The following SCRN1 variants were observed in gnomAD, a reference collection of about 807,000 sequenced individuals.
SCRN1 encodes secernin-1.
In SCRN1, 19 loss-of-function variants were observed where a neutral mutation model predicts 43.3. The ratio of observed to expected loss-of-function variants is 0.44; its 90% CI spans 0.31 to 0.64. SCRN1 has a LOEUF of 0.64. Among genes scored for constraint, SCRN1 ranks in the 30% least tolerant of loss-of-function variants. The pLI, the probability that SCRN1 is intolerant of heterozygous loss-of-function variation, is 0.09. For synonymous variants in SCRN1, 183 were observed against 188.9 expected (o/e 0.97, Z 0.26); for missense variants, 447 against 524.1 (o/e 0.85, Z 1.44).
At chr7:29,990,165 A>G (rs140520873), upstream of SCRN1, 2 of 1,551,418 alleles carry the variant, frequency 1.3e-6, no homozygotes, top group African/African-American at 1.4e-5. Context: ...TTCCCCGGAG[A>G]GAAATGTGTC....
chr7:29,920,332 A>T lies in SCRN1; in HGVS notation c.*3625T>A, dbSNP rs1786712275. The T allele has an allele frequency of 6.6e-6, 1 of 152,226 alleles. No homozygotes were observed. Among genetic ancestry groups the T allele is most frequent in the African/African-American group, 2.4e-5 (1 of 41,420 alleles). 9.4% of individuals were successfully genotyped at this position (152,226 alleles called of 1,614,324 possible). A position where few individuals can be genotyped will look rare whatever the true frequency, so the allele number is the denominator to read the frequency against. On this transcript the variant is annotated 3_prime_UTR_variant, in exon 8 of 8. Transcript: ENST00000242059. ...AACACATTTAAATTCTCACAGCATA[A>T]TTGCAAACATGTACATATTGGTTCC...
In SCRN1 at chr7:29,920,520, A is replaced by T. The variant is rs1562796264; in HGVS notation, c.*3437T>A. The T allele has an allele frequency of 6.6e-6, 1 of 152,316 alleles. No individual in the cohort carries two copies. Among genetic ancestry groups the T allele is most frequent in the Non-Finnish European group, 1.5e-5 (1 of 68,124 alleles). 9.4% of individuals were successfully genotyped at this position (152,316 alleles called of 1,614,324 possible). A position where few individuals can be genotyped will look rare whatever the true frequency, so the allele number is the denominator to read the frequency against. On this transcript the variant is annotated 3_prime_UTR_variant, in exon 8 of 8. Transcript: ENST00000242059. Reference sequence around the variant, plus strand: ...TGTGCTGCAACGGCATGTGCACATGACCTGCTGCTCCTGGCCCTCTACGAA... The same window carrying T: ...TGTGCTGCAACGGCATGTGCACATGTCCTGCTGCTCCTGGCCCTCTACGAA...
intron 4 of SCRN1, among the ~76,000 whole-genome samples, chr7:29,941,973 G>A (rs1396838130): frequency 6.6e-6 from 1 of 152,220 alleles, no homozygotes; most frequent in Non-Finnish European, 1.5e-5. Context: ...CCTAGAGGCA[G>A]GATCAGTGCT....
intron 7 of SCRN1, 109 bp downstream of exon 7, chr7:29,926,343 G>T: frequency 8.4e-7 from 1 of 1,194,656 alleles, no homozygotes; most frequent in Non-Finnish European, 1.2e-6. Context: ...CGGTCACACT[G>T]GATGGGTGGG....
chr7:29,986,764 G>A (rs1412006121), intron 1 of SCRN1, among the ~76,000 whole-genome samples: 9 of 120,662 alleles, frequency 7.5e-5, no homozygotes, highest in South Asian at 2.5e-4. Flanking sequence ...TCGCTCTGTC[G>A]CCCAGGCTGG....
At chr7:29,966,808 C>A (rs1216855791) in intron 2 of SCRN1, among the ~76,000 whole-genome samples, 1 of 152,126 alleles carries the variant, frequency 6.6e-6, no homozygotes, top group Non-Finnish European at 1.5e-5. Flanking sequence ...TGAAGCCCTG[C>A]CCAGCTGCCT....
At chr7:29,990,146 A>G (rs1357474610), upstream of SCRN1, 3 of 1,551,512 alleles carry the variant, frequency 1.9e-6, no homozygotes, top group Non-Finnish European at 2.6e-6. Context: ...CTCGGCGCCC[A>G]CACAAGATTT....
rs1277735734 is a variant in SCRN1 at position 29,926,576 on chromosome 7, T to C, written c.962A>G (p.Gln321Arg). 4 of 1,614,078 alleles carry C rather than the reference T, an allele frequency of 2.5e-6. No individual in the cohort carries two copies. Among genetic ancestry groups the C allele is most frequent in the East Asian group, 2.2e-5 (1 of 44,868 alleles). ...VDDVKLVPKT[Q>R]SPCFGDDDPA... ...GTCGTCATCCCCAAAACAGGGAGACTGTGTTTTGGGGACAAGTTTTACGTC... is the reference window on the plus strand; with the variant it reads ...GTCGTCATCCCCAAAACAGGGAGACCGTGTTTTGGGGACAAGTTTTACGTC... Residue 321 changes from glutamine (Q) to arginine (R), a missense_variant, in exon 7 of 8, where the codon CAG becomes CGG. Physicochemically the swap from Gln to Arg is conservative, Grantham distance 43 (BLOSUM62 1). Coordinates refer to ENST00000242059, the MANE Select transcript of SCRN1 (RefSeq NM_014766.5).
intron 6 of SCRN1, among the ~76,000 whole-genome samples, chr7:29,927,589 G>T (rs1366046429): frequency 6.6e-6 from 1 of 152,160 alleles, no homozygotes; most frequent in African/African-American, 2.4e-5. Context: ...CTGTACCATG[G>T]GGCAGCACCT....
chr7:29,931,921 T>C (rs1484939156), intron 6 of SCRN1, among the ~76,000 whole-genome samples: 1 of 152,178 alleles, frequency 6.6e-6, no homozygotes, highest in Non-Finnish European at 1.5e-5. Flanking sequence ...ACTTTAATCA[T>C]AGAGTCAAAG....
At chr7:29,944,985 T>C (rs1017143596) in intron 3 of SCRN1, among the ~76,000 whole-genome samples, 1 of 152,218 alleles carries the variant, frequency 6.6e-6, no homozygotes, top group Non-Finnish European at 1.5e-5. Flanking sequence ...AGTGTTCAAA[T>C]GCCAGACATT....
intron 3 of SCRN1, chr7:29,947,112 C>T (rs954765681): frequency 3.4e-6 from 5 of 1,457,396 alleles, no homozygotes; most frequent in Non-Finnish European, 9.2e-7. Context: ...ACTCAATGGG[C>T]CAAGGTTAGA....
At chr7:29,942,388 A>G (rs1032664219) in intron 4 of SCRN1, among the ~76,000 whole-genome samples, 2 of 152,214 alleles carry the variant, frequency 1.3e-5, no homozygotes, top group African/African-American at 4.8e-5. Flanking sequence ...TATTTAGTTA[A>G]CTAATGGAAG....
chr7:29,983,904 G>T (rs1207567868), intron 1 of SCRN1, among the ~76,000 whole-genome samples: 1 of 152,122 alleles, frequency 6.6e-6, no homozygotes, highest in Non-Finnish European at 1.5e-5. Context: ...GGGAAAGGAA[G>T]AATGAAATCT....
intron 6 of SCRN1, among the ~76,000 whole-genome samples, chr7:29,932,651 C>CAAAAAAAA (rs1162835669): frequency 3.7e-4 from 3 of 8,048 alleles, no homozygotes; most frequent in African/African-American, 1.3e-3. Context: ...GATTCCATCT[C>CAAAAAAAA]AAAAAAAAAA....
chr7:29,931,053 AG>A (rs1386933875), intron 6 of SCRN1, among the ~76,000 whole-genome samples: 2 of 152,236 alleles, frequency 1.3e-5, no homozygotes, highest in African/African-American at 4.8e-5. Context: ...GCAGAATTTT[AG>A]CCTTGAGTGA....
At chr7:29,970,131 T>C (rs541467338) in intron 1 of SCRN1, among the ~76,000 whole-genome samples, 2 of 152,330 alleles carry the variant, frequency 1.3e-5, no homozygotes, top group Non-Finnish European at 2.9e-5. Context: ...GCAGCCAAAG[T>C]GATCCTTTTA....
intron 1 of SCRN1, chr7:29,969,723 G>A (rs1788609843): frequency 6.9e-6 from 3 of 433,738 alleles, no homozygotes; most frequent in South Asian, 4.8e-5. Flanking sequence ...TTTCTATCTG[G>A]GAAAATGCAT....
chr7:29,952,944 G>A (rs954959886), intron 3 of SCRN1, among the ~76,000 whole-genome samples: 2 of 152,154 alleles, frequency 1.3e-5, no homozygotes, highest in East Asian at 1.9e-4. Context: ...TGGAGTTAAC[G>A]TTATATGGTG....
Sources: allele counts gnomAD v4.1 joint callset (sites outside exome capture counted in the v4.1 genomes callset), GRCh38; gene constraint gnomAD v4.1.1; transcripts MANE v1.5; gene names NCBI Gene and HGNC (gene_info 2026-07-23, HGNC 2026-07-21).